The following SPA17 variants were observed in gnomAD, a reference collection of about 807,000 sequenced individuals.
SPA17 encodes the protein sperm surface protein Sp17.
SPA17 carries 7 observed loss-of-function variants against 13.8 expected under a neutral mutation model. The ratio of observed to expected loss-of-function variants is 0.51; its 90% CI spans 0.29 to 0.95. SPA17 has a LOEUF of 0.95. Among genes scored for constraint, SPA17 ranks in the 40% least tolerant of loss-of-function variants. SPA17 has a pLI of 0.08. For missense variants in SPA17, 170 were observed against 179.3 expected (o/e 0.95, Z 0.30); for synonymous variants, 61 against 59.0 (o/e 1.03, Z -0.16).
intron 2 of SPA17, among the ~76,000 whole-genome samples, chr11:124,676,757 G>A (rs1364471425): frequency 6.6e-6 from 1 of 152,342 alleles, no homozygotes; most frequent in African/African-American, 2.4e-5. Flanking sequence ...GAGGTAGGAG[G>A]AGGGTGAGGA....
intron 3 of SPA17, among the ~76,000 whole-genome samples, chr11:124,687,190 T>C (rs540921987): frequency 1.3e-5 from 2 of 151,748 alleles, no homozygotes; most frequent in East Asian, 1.9e-4. Context: ...ATAGAGGAAA[T>C]AGATAAATTC....
At chr11:124,685,728 G>A (rs1943572409) in intron 3 of SPA17, among the ~76,000 whole-genome samples, 1 of 152,186 alleles carries the variant, frequency 6.6e-6, no homozygotes, top group Non-Finnish European at 1.5e-5. Context: ...AGCACACCAT[G>A]GATTTGAGAC....
At chr11:124,680,575 C>A (rs1035111704) in intron 2 of SPA17, among the ~76,000 whole-genome samples, 2 of 152,000 alleles carry the variant, frequency 1.3e-5, no homozygotes, top group Non-Finnish European at 2.9e-5. Context: ...AATAAATAGA[C>A]AATGGAAGAA....
chr11:124,692,318 C>T (rs1030752585), intron 4 of SPA17, among the ~76,000 whole-genome samples: 4 of 152,250 alleles, frequency 2.6e-5, no homozygotes, highest in South Asian at 4.1e-4. Context: ...TGGTGGCTCA[C>T]GTCTGTAATC....
At position 124,674,152 on chromosome 11, in the gene SPA17, C is replaced by G. The variant is rs189068448; in HGVS notation, c.-28+200C>G. On this transcript the variant is annotated intron_variant, in intron 1 of 4. Transcript: ENST00000227135. ...AGACCCGTCTGCCCCCTCCGCCCGC[C>G]CTCCTCTGCCCACATTGGTTCAGAA... The G allele has an allele frequency of 1.4e-3, 271 of 194,408 alleles. 2 individuals are homozygous for G. Among genetic ancestry groups the G allele is most frequent in the Non-Finnish European group, 2.2e-3 (207 of 92,646 alleles). 12.0% of individuals were successfully genotyped at this position (194,408 alleles called of 1,614,324 possible). A position where few individuals can be genotyped will look rare whatever the true frequency, so the allele number is the denominator to read the frequency against.
chr11:124,693,166 T>G (rs1056275900), intron 4 of SPA17, among the ~76,000 whole-genome samples: 1 of 152,224 alleles, frequency 6.6e-6, no homozygotes, highest in Non-Finnish European at 1.5e-5. Flanking sequence ...TTGAGTGTAT[T>G]TGTTTGCTAT....
At chr11:124,677,709 A>G (rs936459218) in intron 2 of SPA17, among the ~76,000 whole-genome samples, 1 of 152,186 alleles carries the variant, frequency 6.6e-6, no homozygotes, top group Non-Finnish European at 1.5e-5. Context: ...AAACTACAAA[A>G]GACAAACAAA....
chr11:124,678,233 G>A (rs1357645235), intron 2 of SPA17, among the ~76,000 whole-genome samples: 1 of 152,136 alleles, frequency 6.6e-6, no homozygotes, highest in Non-Finnish European at 1.5e-5. Flanking sequence ...TTTCAAAAAT[G>A]AGAACTATCT....
rs1349674932 is a variant in SPA17 at position 124,689,594 on chromosome 11, T to C, written c.226-2102T>C. ...TGAGCCCAGGAGCTTGACATTAGCA[T>C]GCGCAACATGGTGAAACCCATCTCT... On this transcript the variant is annotated intron_variant, in intron 3 of 4. Transcript: ENST00000227135. Among the ~76,000 whole-genome samples, 3 of 152,042 alleles carry C rather than the reference T, an allele frequency of 2.0e-5. No homozygotes were observed. In the South Asian group the frequency reaches 6.2e-4, roughly 32 times the overall value.
chr11:124,682,685 C>G (rs575976602), intron 3 of SPA17, among the ~76,000 whole-genome samples: 13 of 151,840 alleles, frequency 8.6e-5, no homozygotes, highest in East Asian at 3.9e-4. Flanking sequence ...TGAAACAATC[C>G]AGTAAGACAA....
chr11:124,681,325 A>G lies in SPA17; in HGVS notation c.155-64A>G. Reference sequence around the variant, plus strand: ...GAAACAAGAAACTTACATTTGTGTCACTATTCTACATTTACCTTAATGAAT... The same window carrying G: ...GAAACAAGAAACTTACATTTGTGTCGCTATTCTACATTTACCTTAATGAAT... On this transcript the variant is annotated intron_variant, in intron 2 of 4. Coordinates refer to ENST00000227135, the MANE Select transcript of SPA17 (RefSeq NM_017425.4). The G allele has an allele frequency of 2.3e-6, 3 of 1,301,454 alleles. No homozygotes were observed. In the South Asian group the frequency reaches 4.4e-5, roughly 19 times the overall value. The allele number at this position is 1,301,454 out of a possible 1,614,324, so 80.6% of individuals were successfully genotyped here.
At position 124,696,689 on chromosome 11, in the gene SPA17, C is replaced by T. The variant is rs1433031669; in HGVS notation, c.*2243C>T. 7 of 152,200 alleles carry T rather than the reference C, an allele frequency of 4.6e-5. No homozygotes were observed. The allele number at this position is 152,200 out of a possible 1,614,324, so 9.4% of individuals were successfully genotyped here. On this transcript the variant is annotated 3_prime_UTR_variant, in exon 5 of 5. Transcript: ENST00000227135. ...TCTTCAACTCCCCAACCACTAAATG[C>T]TAAGTGCCCTTAGGCTCAGTCTTTC...
rs781452584 is a variant in SPA17, at chr11:124,695,812, G to C, written c.*1366G>C. ...AAACAAGCCAGGATGGCTCAGTCCT[G>C]AGGAGATTCTAAAACCAGGTCTATG... On this transcript the variant is annotated 3_prime_UTR_variant, in exon 5 of 5. Coordinates refer to ENST00000227135, the MANE Select transcript of SPA17 (RefSeq NM_017425.4). The C allele has an allele frequency of 5.3e-5, 8 of 152,260 alleles. No individual in the cohort carries two copies. Among genetic ancestry groups the C allele is most frequent in the Non-Finnish European group, 1.2e-4 (8 of 68,072 alleles). The allele number at this position is 152,260 out of a possible 1,614,324, so 9.4% of individuals were successfully genotyped here. A position where few individuals can be genotyped will look rare whatever the true frequency, so the allele number is the denominator to read the frequency against.
chr11:124,680,250 G>A (rs1400949924), intron 2 of SPA17, among the ~76,000 whole-genome samples: 3 of 152,078 alleles, frequency 2.0e-5, no homozygotes, highest in African/African-American at 7.2e-5. Context: ...TTTTATGACA[G>A]AATTACACAG....
intron 4 of SPA17, among the ~76,000 whole-genome samples, chr11:124,692,362 C>T (rs1392037739): frequency 1.3e-5 from 2 of 151,982 alleles, no homozygotes; most frequent in South Asian, 2.1e-4. Context: ...AGGCAGATCA[C>T]GAGGTCAGGA....
chr11:124,686,190 T>TTGG (rs375573483), intron 3 of SPA17, among the ~76,000 whole-genome samples: 1 of 74,862 alleles, frequency 1.3e-5, no homozygotes, highest in African/African-American at 5.8e-5. Context: ...GAATCATGGG[T>TTGG]GGGGGGGGGG....
chr11:124,683,274 A>G (rs1271275533), intron 3 of SPA17, among the ~76,000 whole-genome samples: 1 of 152,234 alleles, frequency 6.6e-6, no homozygotes, highest in Non-Finnish European at 1.5e-5. Context: ...AGTTAGCATC[A>G]TGAAAACACA....
chr11:124,680,685 G>A (rs1943519847), intron 2 of SPA17, among the ~76,000 whole-genome samples: 1 of 152,060 alleles, frequency 6.6e-6, no homozygotes, highest in Non-Finnish European at 1.5e-5. Context: ...TTTTAAAAGA[G>A]TATATATTGA....
chr11:124,690,602 A>G (rs928973288), intron 3 of SPA17, among the ~76,000 whole-genome samples: 26 of 152,224 alleles, frequency 1.7e-4, no homozygotes, highest in African/African-American at 2.4e-5. Context: ...CATGTACTCC[A>G]TAAATTTGTA....
Sources: allele counts gnomAD v4.1 joint callset (sites outside exome capture counted in the v4.1 genomes callset), GRCh38; gene constraint gnomAD v4.1.1; transcripts MANE v1.5; gene names NCBI Gene and HGNC (gene_info 2026-07-23, HGNC 2026-07-21).